The following NAALADL2 variants were observed in gnomAD, a reference collection of about 807,000 sequenced individuals.
NAALADL2 encodes N-acetylated alpha-linked acidic dipeptidase like 2, also known as inactive N-acetylated-alpha-linked acidic dipeptidase-like protein 2.
Under a neutral mutation model 87.2 loss-of-function variants are expected in NAALADL2, and 76 were observed. The ratio of observed to expected loss-of-function variants is 0.87; its 90% CI spans 0.72 to 1.05. The LOEUF is 1.05. Ranked by LOEUF, NAALADL2 falls within the 50% of genes least tolerant of loss-of-function variation. NAALADL2 has a pLI of 0.00. For synonymous variants in NAALADL2, 354 were observed against 331.0 expected (o/e 1.07, Z -0.75); for missense variants, 1,089 against 945.8 (o/e 1.15, Z -1.99).
chr3:175,787,033 G>C (rs1056794769), intron 13 of NAALADL2, among the ~76,000 whole-genome samples: 1 of 151,956 alleles, frequency 6.6e-6, no homozygotes, highest in African/African-American at 2.4e-5. Flanking sequence ...TGTTGGTCAG[G>C]GGTCAGGGAC....
chr3:175,122,084 C>T (rs754262718), intron 2 of NAALADL2, among the ~76,000 whole-genome samples: 8 of 151,822 alleles, frequency 5.3e-5, no homozygotes, highest in African/African-American at 1.2e-4. Flanking sequence ...GGGAGCTAGA[C>T]GGTGAATAGG....
intron 1 of NAALADL2, among the ~76,000 whole-genome samples, chr3:174,970,332 T>C (rs1346451104): frequency 6.6e-6 from 1 of 152,168 alleles, no homozygotes; most frequent in African/African-American, 2.4e-5. Context: ...ATGGTTATAG[T>C]GAATTAGTAT....
chr3:175,272,958 A>G (rs1753071486), intron 4 of NAALADL2, among the ~76,000 whole-genome samples: 1 of 152,140 alleles, frequency 6.6e-6, no homozygotes, highest in Non-Finnish European at 1.5e-5. Context: ...TAATGGCAAT[A>G]ATAACATGCA....
chr3:175,024,716 TTA>T (rs201482746), intron 1 of NAALADL2, among the ~76,000 whole-genome samples: 4 of 146,146 alleles, frequency 2.7e-5, no homozygotes, highest in Admixed American at 6.9e-5. Context: ...AGTAATTATC[TTA>T]TTTTTTTTCA....
intron 5 of NAALADL2, among the ~76,000 whole-genome samples, chr3:175,418,416 A>G (rs1233482859): frequency 6.6e-6 from 1 of 152,172 alleles, no homozygotes; most frequent in African/African-American, 2.4e-5. Context: ...TAAGCTTCCT[A>G]TGAGTAATCT....
chr3:175,210,451 T>A (rs1741600135), intron 2 of NAALADL2, among the ~76,000 whole-genome samples: 1 of 151,822 alleles, frequency 6.6e-6, no homozygotes, highest in Non-Finnish European at 1.5e-5. Context: ...TAGGTTTGTG[T>A]ATGTACATGT....
chr3:175,172,700 G>A (rs764468216), intron 2 of NAALADL2, among the ~76,000 whole-genome samples: 41 of 152,186 alleles, frequency 2.7e-4, no homozygotes, highest in Middle Eastern at 6.8e-3. Flanking sequence ...ACTAATTATA[G>A]TAGTGAACAC....
intron 1 of NAALADL2, among the ~76,000 whole-genome samples, chr3:174,859,809 A>C (rs1726258733): frequency 6.6e-6 from 1 of 152,142 alleles, no homozygotes; most frequent in Non-Finnish European, 1.5e-5. Flanking sequence ...ACATTAACAG[A>C]ACCTTGATTT....
chr3:175,591,071 T>C (rs1052115161), intron 10 of NAALADL2, among the ~76,000 whole-genome samples: 13 of 152,178 alleles, frequency 8.5e-5, no homozygotes, highest in African/African-American at 3.1e-4. Flanking sequence ...TTGCACTCTA[T>C]CATTCCCTGA....
intron 3 of NAALADL2, among the ~76,000 whole-genome samples, chr3:174,839,391 C>T (rs181667610): frequency 4.6e-5 from 7 of 152,248 alleles, no homozygotes; most frequent in Admixed American, 2.6e-4. Flanking sequence ...TATAAACACT[C>T]TAGAAGAAAT....
chr3:175,693,460 A>G (rs1002633780), intron 11 of NAALADL2, among the ~76,000 whole-genome samples: 1 of 152,144 alleles, frequency 6.6e-6, no homozygotes, highest in Non-Finnish European at 1.5e-5. Context: ...GATATTACTG[A>G]CCAGGACCCA....
intron 5 of NAALADL2, among the ~76,000 whole-genome samples, chr3:175,391,449 T>C (rs1007836754): frequency 1.3e-5 from 2 of 152,190 alleles, no homozygotes; most frequent in Non-Finnish European, 2.9e-5. Context: ...GCTGCCATAT[T>C]GCAAACTTCC....
intron 3 of NAALADL2, among the ~76,000 whole-genome samples, chr3:175,254,720 A>G (rs2109810714): frequency 6.6e-6 from 1 of 152,304 alleles, no homozygotes; most frequent in African/African-American, 2.4e-5. Context: ...CATTAATATT[A>G]TGTGATCATT....
chr3:174,458,048 G>C (rs769165685), intron 1 of NAALADL2, among the ~76,000 whole-genome samples: 2 of 152,142 alleles, frequency 1.3e-5, no homozygotes, highest in African/African-American at 2.4e-5. Flanking sequence ...TACCAAGCTT[G>C]ATACCTGGGT....
intron 2 of NAALADL2, among the ~76,000 whole-genome samples, chr3:175,159,820 C>CCT (rs1007893057): frequency 6.7e-6 from 1 of 149,768 alleles, no homozygotes; most frequent in African/African-American, 2.4e-5. Context: ...TTCCTTCCTT[C>CCT]CTCTCTCTCT....
In NAALADL2 at chr3:175,361,916, G is replaced by T. The variant is rs1319190694; in HGVS notation, c.1090+37591G>T. 1.1e-4 allele frequency among the ~76,000 whole-genome samples: 16 copies of T among 147,736 alleles called. 3 individuals carry two copies. Among genetic ancestry groups the T allele is most frequent in the Non-Finnish European group, 2.3e-4 (15 of 66,504 alleles). ...TTTGGCTTTTGTTGCCATTGCTTTT[G>T]GTGTTTTAGTCATGAAGTCCTTGCC... On this transcript the variant is annotated intron_variant, in intron 5 of 13. Coordinates refer to ENST00000454872, the MANE Select transcript of NAALADL2 (RefSeq NM_207015.3).
In NAALADL2 at chr3:174,773,137, G is replaced by T. The variant is rs184496995; in HGVS notation, c.-9+35391G>T. Reference sequence around the variant, plus strand: ...AAAAGAGAAGGACAGGTGACAGAGAGTGAATGGAAAGAAGGATGGGTCTTG... The same window carrying T: ...AAAAGAGAAGGACAGGTGACAGAGATTGAATGGAAAGAAGGATGGGTCTTG... On this transcript the variant is annotated intron_variant, in intron 3 of 3. Coordinates refer to the NAALADL2 transcript ENST00000434257. Among the ~76,000 whole-genome samples, 175 of 152,234 alleles carry T rather than the reference G, an allele frequency of 1.1e-3. 1 individual carries two copies. The highest frequency in any genetic ancestry group is 4.1e-3 in the African/African-American group (170 of 41,544).
intron 1 of NAALADL2, among the ~76,000 whole-genome samples, chr3:174,529,128 A>C (rs968085344): frequency 6.6e-6 from 1 of 152,206 alleles, no homozygotes; most frequent in African/African-American, 2.4e-5. Flanking sequence ...CAAATTAATT[A>C]CTTCCTAGAT....
At chr3:175,113,389 T>C (rs1001450597) in intron 2 of NAALADL2, among the ~76,000 whole-genome samples, 3 of 151,580 alleles carry the variant, frequency 2.0e-5, no homozygotes, top group Non-Finnish European at 4.4e-5. Flanking sequence ...AAACTGCTTT[T>C]AGATTTTAAT....
Sources: gnomAD v4.1 joint callset for allele counts (sites outside exome capture counted in the v4.1 genomes callset) on GRCh38, gnomAD v4.1.1 for gene constraint, MANE v1.5 for transcripts, NCBI Gene and HGNC (gene_info 2026-07-23, HGNC 2026-07-21) for gene names.